The following RPGRIP1L variants were observed in gnomAD, a reference collection of about 807,000 sequenced individuals.
RPGRIP1L encodes RPGRIP1 like, also known as protein fantom.
A neutral mutation model predicts 160.4 loss-of-function variants in RPGRIP1L; 131 were observed. The observed-to-expected ratio is 0.82, with a 90% CI of 0.71 to 0.94. RPGRIP1L has a LOEUF of 0.94. RPGRIP1L is among the 40% of genes least tolerant of loss of function. RPGRIP1L has a pLI of 0.00. For missense variants in RPGRIP1L, 1,522 were observed against 1,535.8 expected (o/e 0.99, Z 0.15); for synonymous variants, 510 against 515.8 (o/e 0.99, Z 0.15).
intron 16 of RPGRIP1L, among the ~76,000 whole-genome samples, chr16:53,648,628 A>ACG (rs1461817049): frequency 1.5e-5 from 2 of 130,876 alleles, no homozygotes; most frequent in Non-Finnish European, 1.8e-5. Context: ...GCGCGCGCGC[A>ACG]CACACACACA....
intron 8 of RPGRIP1L, among the ~76,000 whole-genome samples, chr16:53,672,648 A>G (rs1162754257): frequency 6.6e-6 from 1 of 152,182 alleles, no homozygotes; most frequent in Non-Finnish European, 1.5e-5. Flanking sequence ...AAGGATCTTT[A>G]ATCCTTTGGG....
At chr16:53,626,303 C>A (rs1417823240) in intron 22 of RPGRIP1L, among the ~76,000 whole-genome samples, 2 of 152,060 alleles carry the variant, frequency 1.3e-5, no homozygotes, top group Admixed American at 1.3e-4. Context: ...AGCAACATGA[C>A]CGGTCATTCC....
chr16:53,638,250 A>G, intron 20 of RPGRIP1L, 60 bp downstream of exon 20: 3 of 1,003,394 alleles, frequency 3.0e-6, no homozygotes, highest in South Asian at 2.6e-5. Context: ...AAAACTTATA[A>G]GACAAAGTAT....
intron 10 of RPGRIP1L, among the ~76,000 whole-genome samples, chr16:53,660,493 T>C (rs959637194): frequency 4.6e-5 from 7 of 151,964 alleles, no homozygotes; most frequent in African/African-American, 9.7e-5. Flanking sequence ...AATTACACAG[T>C]TAGGAATAAA....
chr16:53,695,165 T>C (rs756310070), intron 3 of RPGRIP1L: 45 of 564,846 alleles, frequency 8.0e-5, no homozygotes, highest in Non-Finnish European at 1.4e-4. Context: ...CAATTAGGCT[T>C]ACAAAGAAAA....
rs1017025738 is a variant in RPGRIP1L at position 53,600,720 on chromosome 16, A to G, written c.*1356T>C. 6.6e-6 allele frequency: 1 copy of G among 152,474 alleles called. No homozygotes were observed. The highest frequency in any genetic ancestry group is 1.5e-5 in the Non-Finnish European group (1 of 68,010). The allele number at this position is 152,474 out of a possible 1,614,324, so 9.4% of individuals were successfully genotyped here. On this transcript the variant is annotated 3_prime_UTR_variant, in exon 27 of 27. Coordinates refer to ENST00000647211, the MANE Select transcript of RPGRIP1L (RefSeq NM_015272.5). ...ACTGTAATGAATTGTCTCATAATCT[A>G]TTCCATCTTCTTGCCATTAGCAGGC... is the stretch of plus-strand genomic sequence containing the variant.
intron 5 of RPGRIP1L, among the ~76,000 whole-genome samples, chr16:53,687,431 T>C (rs529520310): frequency 6.6e-6 from 1 of 152,184 alleles, no homozygotes; most frequent in Non-Finnish European, 1.5e-5. Flanking sequence ...GAAAACAAAA[T>C]CTGAAATCCA....
At chr16:53,669,212 C>G (rs1968517976) in intron 9 of RPGRIP1L, among the ~76,000 whole-genome samples, 1 of 152,130 alleles carries the variant, frequency 6.6e-6, no homozygotes, top group Non-Finnish European at 1.5e-5. Flanking sequence ...TCCAACTATA[C>G]TTCTAAAATG....
chr16:53,656,990 C>T (rs1967309936), intron 13 of RPGRIP1L, among the ~76,000 whole-genome samples: 1 of 152,034 alleles, frequency 6.6e-6, no homozygotes, highest in Non-Finnish European at 1.5e-5. Flanking sequence ...GCCTGTAATC[C>T]CAGCACTTTG....
chr16:53,636,616 A>G (rs1285777179), intron 21 of RPGRIP1L, 104 bp from the exon 22 acceptor site: 1 of 761,148 alleles, frequency 1.3e-6, no homozygotes, highest in Non-Finnish European at 2.2e-6. Context: ...TAACCTTAAG[A>G]AACATGGTAA....
intron 15 of RPGRIP1L, among the ~76,000 whole-genome samples, chr16:53,649,772 T>C (rs557874933): frequency 2.0e-5 from 3 of 152,298 alleles, no homozygotes; most frequent in Non-Finnish European, 2.9e-5. Context: ...GCCTCCTTCA[T>C]GGACATCGTA....
chr16:53,617,516 T>C (rs1054282959), intron 24 of RPGRIP1L, among the ~76,000 whole-genome samples: 1 of 152,216 alleles, frequency 6.6e-6, no homozygotes, highest in African/African-American at 2.4e-5. Context: ...GTGCATGAAA[T>C]GAAGGAGGAA....
rs1567788926 is a variant in RPGRIP1L, at chr16:53,605,550, CAA to C, written c.3764_3765del (p.Ile1255ArgfsTer19). On this transcript the variant is annotated frameshift_variant, in exon 26 of 27. Transcript: ENST00000647211. LOFTEE classifies it high-confidence loss of function. ...EDEQDLECEDIGVAHVDLADM... is the reference protein window; with the variant it reads ...EDEQDLECEDXGVAHVDLADM... The stretch of plus-strand genomic sequence containing the variant: ...TCGGCAAGGTCGACGTGAGCCACGC[CAA>C]TGTCCTCACACTCCAGGTCCTGCTC... 6.2e-7 allele frequency: 1 copy of C among 1,614,128 alleles called. No homozygotes were observed.
chr16:53,681,157 G>A (rs865949665), intron 6 of RPGRIP1L, among the ~76,000 whole-genome samples: 3 of 152,098 alleles, frequency 2.0e-5, no homozygotes, highest in Non-Finnish European at 4.4e-5. Flanking sequence ...TCTCTGTTGC[G>A]AGATTTGACA....
chr16:53,700,108 G>A (rs1033996859), intron 2 of RPGRIP1L, among the ~76,000 whole-genome samples: 17 of 152,206 alleles, frequency 1.1e-4, no homozygotes, highest in African/African-American at 4.1e-4. Context: ...GTTCTTTAAA[G>A]TAGTGCTTTT....
chr16:53,696,397 C>T, intron 2 of RPGRIP1L, 102 bp from the exon 3 acceptor site: 2 of 1,144,066 alleles, frequency 1.7e-6, no homozygotes, highest in Non-Finnish European at 2.6e-6. Context: ...GAGATTTTTT[C>T]CTTTGTGACC....
rs1598344961 is a variant in RPGRIP1L at position 53,658,578 on chromosome 16, C to A, written c.1351-114G>T. The A allele has an allele frequency of 3.8e-5, 35 of 931,518 alleles. No homozygotes were observed. The East Asian group carries it at 8.9e-4, about 24-fold the overall frequency. 57.7% of individuals were successfully genotyped at this position (931,518 alleles called of 1,614,324 possible). On this transcript the variant is annotated intron_variant, in intron 11 of 26. Coordinates refer to ENST00000647211, the MANE Select transcript of RPGRIP1L (RefSeq NM_015272.5). ...TAAACTGACTGATGCCATGAACTAA[C>A]AAACTAAGTCTACAAGACATTCCAG... is the stretch of plus-strand genomic sequence containing the variant.
chr16:53,683,710 A>C (rs1217132129), intron 6 of RPGRIP1L, among the ~76,000 whole-genome samples: 1 of 151,838 alleles, frequency 6.6e-6, no homozygotes, highest in Admixed American at 6.6e-5. Flanking sequence ...AAAAAAGAAA[A>C]AAATCCAGAA....
At chr16:53,627,320 T>C (rs539790905) in intron 22 of RPGRIP1L, among the ~76,000 whole-genome samples, 1 of 152,224 alleles carries the variant, frequency 6.6e-6, no homozygotes, top group African/African-American at 2.4e-5. Flanking sequence ...CAGGTGAGCT[T>C]AATTTTATTC....
Sources: gnomAD v4.1 joint callset for allele counts (sites outside exome capture counted in the v4.1 genomes callset) on GRCh38, gnomAD v4.1.1 for gene constraint, MANE v1.5 for transcripts, NCBI Gene and HGNC (gene_info 2026-07-23, HGNC 2026-07-21) for gene names.